TRAP1: variants seen among roughly 807,000 people sequenced by gnomAD.
TRAP1 encodes the protein TNF receptor associated protein 1.
TRAP1 carries 102 observed loss-of-function variants against 89.1 expected under a neutral mutation model. That is an observed-to-expected ratio of 1.15 (90% CI 0.98 to 1.35). The LOEUF (loss-of-function observed/expected upper bound fraction) is 1.35. Ranked by LOEUF, TRAP1 falls within the 40% of genes most tolerant of loss-of-function variation. TRAP1 has a pLI of 0.00. For synonymous variants in TRAP1, 508 were observed against 388.0 expected, an observed-to-expected ratio of 1.31 and a Z score of -3.64; for missense variants, 1,256 against 945.3, an observed-to-expected ratio of 1.33 and a Z score of -4.31.
At chr16:3,672,891 G>C in intron 9 of TRAP1, 71 bp from the exon 10 acceptor site, 19 of 1,536,176 alleles carry the variant, frequency 1.2e-5, no homozygotes, top group Non-Finnish European at 1.7e-5. Context: ...GGGAGGTGGG[G>C]GCGGACACGA....
rs770499760 is a variant in TRAP1, at chr16:3,663,390, C to T, written c.1708+34G>A. The stretch of plus-strand genomic sequence containing the variant: ...AGGAGAGGCGTGCGGGGAGTGGAAA[C>T]CAGCCCCACGCCTAGAGAGCAGGGG... On this transcript the variant is annotated intron_variant, in intron 14 of 17. Transcript: ENST00000246957. 74 of 1,612,662 alleles carry T rather than the reference C, an allele frequency of 4.6e-5. 1 individual carries two copies. The highest frequency in any genetic ancestry group is 1.8e-4 in the South Asian group (16 of 91,036).
intron 6 of TRAP1, chr16:3,676,436 A>C: frequency 2.3e-5 from 5 of 220,334 alleles, no homozygotes; most frequent in Non-Finnish European, 3.5e-5. Flanking sequence ...CTTACCCCAA[A>C]AGCAGGCCTG....
At chr16:3,664,606 T>G (rs2050785120) in intron 12 of TRAP1, 147 bp from the exon 13 acceptor site, 4 of 830,666 alleles carry the variant, frequency 4.8e-6, no homozygotes, top group East Asian at 5.6e-5. Flanking sequence ...ACTCGGGGGT[T>G]GTCCGAGAGC....
intron 16 of TRAP1, 124 bp from the exon 17 acceptor site, chr16:3,658,989 A>C: frequency 1.1e-6 from 1 of 928,282 alleles, no homozygotes; most frequent in African/African-American, 1.7e-5. Context: ...TTTTTAAATA[A>C]GGTATGTTAA....
At chr16:3,696,707 A>G (rs1405395185) in intron 1 of TRAP1, among the ~76,000 whole-genome samples, 2 of 150,098 alleles carry the variant, frequency 1.3e-5, no homozygotes, top group South Asian at 2.1e-4. Context: ...TAGGCCGTGT[A>G]TTACCACTCC....
chr16:3,658,310 T>C lies in TRAP1; in HGVS notation c.2014-80A>G, dbSNP rs1596666858. 5.9e-6 allele frequency: 7 copies of C among 1,178,144 alleles called. No homozygotes were observed. In the South Asian group the frequency reaches 8.0e-5, roughly 13 times the overall value. 73.0% of individuals were successfully genotyped at this position (1,178,144 alleles called of 1,614,324 possible). ...TTTTTTTTTTGAGACAGAGTCTCACTGTTGCCGAGGCTGGAGTGCAGAGGC... is the reference window on the plus strand; with the variant it reads ...TTTTTTTTTTGAGACAGAGTCTCACCGTTGCCGAGGCTGGAGTGCAGAGGC... On this transcript the variant is annotated intron_variant, in intron 17 of 17. Transcript: ENST00000246957.
chr16:3,678,743 G>C (rs919694736), intron 5 of TRAP1, among the ~76,000 whole-genome samples: 8 of 152,180 alleles, frequency 5.3e-5, no homozygotes, highest in African/African-American at 1.7e-4. Flanking sequence ...TTACAGGCGT[G>C]AGCCACCGCA....
intron 1 of TRAP1, among the ~76,000 whole-genome samples, chr16:3,702,753 ATT>A (rs1274611854): frequency 2.6e-5 from 4 of 151,398 alleles, no homozygotes; most frequent in Non-Finnish European, 5.9e-5. Context: ...TTTAAGAGAA[ATT>A]TAAAAAGCTG....
chr16:3,671,130 C>A (rs2050907339), intron 11 of TRAP1, among the ~76,000 whole-genome samples: 1 of 152,122 alleles, frequency 6.6e-6, no homozygotes, highest in African/African-American at 2.4e-5. Context: ...CTCCAGGGCT[C>A]CAAATTCCAG....
At chr16:3,680,561 T>C (rs554964778) in intron 4 of TRAP1, among the ~76,000 whole-genome samples, 9 of 152,204 alleles carry the variant, frequency 5.9e-5, no homozygotes, top group African/African-American at 1.4e-4. Flanking sequence ...CCTACCACCA[T>C]GGGAACAGCG....
At chr16:3,716,653 G>A (rs754148144) in intron 1 of TRAP1, among the ~76,000 whole-genome samples, 17 of 152,170 alleles carry the variant, frequency 1.1e-4, no homozygotes, top group Non-Finnish European at 1.9e-4. Context: ...CTTATACGCA[G>A]ACATTTATAT....
intron 4 of TRAP1, 91 bp downstream of exon 4, chr16:3,685,905 C>T (rs1012712010): frequency 7.6e-6 from 11 of 1,448,240 alleles, no homozygotes; most frequent in South Asian, 2.7e-5. Flanking sequence ...ACGGCCAGTA[C>T]GTCCCTGGGA....
rs764259574 is a variant in TRAP1 at position 3,712,285 on chromosome 16, CAAAAAAAAAAAAAAAA to C, written c.88+5120_88+5135del. On this transcript the variant is annotated intron_variant, in intron 1 of 17. Coordinates refer to ENST00000246957, the MANE Select transcript of TRAP1 (RefSeq NM_016292.3). ...GCCTGGCGACAGAAAGAATCTGTCT[CAAAAAAAAAAAAAAAA>C]AAAAAAAAAAAAAAAAAAGATATGT... Among the ~76,000 whole-genome samples, 223 of 32,108 alleles carry C rather than the reference CAAAAAAAAAAAAAAAA, an allele frequency of 6.9e-3. 4 individuals are homozygous for C. Among genetic ancestry groups the C allele is most frequent in the African/African-American group, 0.023 (196 of 8,626 alleles). 21.1% of individuals were successfully genotyped at this position (32,108 alleles called of 152,430 possible). A position where few individuals can be genotyped will look rare whatever the true frequency, so the allele number is the denominator to read the frequency against.
chr16:3,691,256 G>C, intron 1 of TRAP1: 1 of 269,942 alleles, frequency 3.7e-6, no homozygotes, highest in Non-Finnish European at 6.9e-6. Flanking sequence ...CTTCTTTTCA[G>C]AGGGGGTCTC....
intron 1 of TRAP1, among the ~76,000 whole-genome samples, chr16:3,708,676 C>T (rs925495902): frequency 3.3e-5 from 5 of 150,150 alleles, no homozygotes; most frequent in African/African-American, 9.8e-5. Flanking sequence ...ATGAGCCGGG[C>T]ATGGTGGCGC....
rs767700495 is a variant in TRAP1, at chr16:3,674,331, T to A, written c.1044+8A>T. 2 of 1,613,718 alleles carry A rather than the reference T, an allele frequency of 1.2e-6. No homozygotes were observed. The highest frequency in any genetic ancestry group is 1.7e-6 in the Non-Finnish European group (2 of 1,179,864). ...CCTGAGGGCCGTGGGACTGCCACAG[T>A]GCCTCACCATGTCGGGCACGTAGAA... On this transcript the variant is annotated splice_region_variant and intron_variant, in intron 9 of 17. Coordinates refer to ENST00000246957, the MANE Select transcript of TRAP1 (RefSeq NM_016292.3).
intron 1 of TRAP1, among the ~76,000 whole-genome samples, chr16:3,710,726 C>T (rs1056285376): frequency 6.6e-6 from 1 of 152,106 alleles, no homozygotes; most frequent in African/African-American, 2.4e-5. Context: ...ACTAACCCGA[C>T]ACACATAGTT....
At chr16:3,658,322 T>G in intron 17 of TRAP1, 92 bp from the exon 18 acceptor site, 13 of 1,023,214 alleles carry the variant, frequency 1.3e-5, no homozygotes, top group African/African-American at 1.6e-5. Context: ...TTGCCGAGGC[T>G]GGAGTGCAGA....
intron 4 of TRAP1, among the ~76,000 whole-genome samples, chr16:3,680,521 C>T (rs1469070403): frequency 1.3e-5 from 2 of 152,228 alleles, no homozygotes; most frequent in South Asian, 2.1e-4. Context: ...GTGTTGGGAA[C>T]GCAGCTCTGC....
Sources: gnomAD v4.1 joint callset for allele counts (sites outside exome capture counted in the v4.1 genomes callset) on GRCh38, gnomAD v4.1.1 for gene constraint, MANE v1.5 for transcripts, NCBI Gene and HGNC (gene_info 2026-07-23, HGNC 2026-07-21) for gene names.